The following PTPRT variants were observed in gnomAD, a reference collection of about 807,000 sequenced individuals.
PTPRT encodes receptor-type tyrosine-protein phosphatase T.
PTPRT carries 56 observed loss-of-function variants against 176.8 expected under a neutral mutation model. The observed-to-expected ratio is 0.32, with a 90% confidence interval of 0.26 to 0.40. The LOEUF (loss-of-function observed/expected upper bound fraction) is 0.40, where lower values mean the gene tolerates loss of function less well. PTPRT is among the 10% of genes least tolerant of loss of function. The pLI is 1.00. For synonymous variants in PTPRT, 783 were observed against 739.0 expected (o/e 1.06, Z -0.96); for missense variants, 1,540 against 1,908.2 (o/e 0.81, Z 3.60).
chr20:42,062,170 T>C, the PTPRT span, among the ~76,000 whole-genome samples: 2 of 152,290 alleles, frequency 1.3e-5, no homozygotes, highest in African/African-American at 2.4e-5. Flanking sequence ...AGATTGCTTG[T>C]GTAATAGGCT....
chr20:42,972,393 G>T (rs1982698131), intron 1 of PTPRT, among the ~76,000 whole-genome samples: 1 of 151,694 alleles, frequency 6.6e-6, no homozygotes, highest in South Asian at 2.1e-4. Flanking sequence ...TGGGTGTGGT[G>T]GCTCATGCCT....
chr20:42,980,012 A>G (rs930186800), intron 1 of PTPRT, among the ~76,000 whole-genome samples: 7 of 151,372 alleles, frequency 4.6e-5, no homozygotes, highest in African/African-American at 1.2e-4. Flanking sequence ...TTCCTGAGAG[A>G]AAGCAATTAA....
intron 2 of PTPRT, among the ~76,000 whole-genome samples, chr20:42,849,672 G>A (rs903520915): frequency 6.6e-6 from 1 of 152,112 alleles, no homozygotes; most frequent in Non-Finnish European, 1.5e-5. Flanking sequence ...AAGTCACTTA[G>A]ACTCCATGAA....
chr20:42,113,936 A>C (rs1166610377), intron 22 of PTPRT, among the ~76,000 whole-genome samples: 1 of 151,966 alleles, frequency 6.6e-6, no homozygotes, highest in East Asian at 1.9e-4. Context: ...TTGGAGGGGG[A>C]GCTTCCGGGG....
chr20:42,628,153 G>A (rs1237109557), intron 7 of PTPRT, among the ~76,000 whole-genome samples: 1 of 152,130 alleles, frequency 6.6e-6, no homozygotes, highest in Non-Finnish European at 1.5e-5. Flanking sequence ...AGGCAACTCT[G>A]GGCCTCCACT....
chr20:42,250,033 A>G (rs1200676040), intron 13 of PTPRT, among the ~76,000 whole-genome samples: 1 of 152,172 alleles, frequency 6.6e-6, no homozygotes. Flanking sequence ...TCATCAGCCA[A>G]TACGCTTTCT....
intron 9 of PTPRT, among the ~76,000 whole-genome samples, chr20:42,381,246 G>T (rs1413947141): frequency 6.6e-6 from 1 of 152,140 alleles, no homozygotes; most frequent in Admixed American, 6.5e-5. Context: ...ATTGTAGGGT[G>T]ATACTTTTGA....
chr20:42,736,684 G>A (rs1445654840), intron 6 of PTPRT, among the ~76,000 whole-genome samples: 1 of 151,470 alleles, frequency 6.6e-6, no homozygotes, highest in Admixed American at 6.6e-5. Flanking sequence ...ACTATGGCTG[G>A]AGAGAGACTA....
chr20:42,651,710 G>T (rs1409416864), intron 7 of PTPRT, among the ~76,000 whole-genome samples: 1 of 152,094 alleles, frequency 6.6e-6, no homozygotes, highest in Non-Finnish European at 1.5e-5. Flanking sequence ...TGTGACCATG[G>T]ACAAGTGACT....
intron 9 of PTPRT, among the ~76,000 whole-genome samples, chr20:42,388,052 G>C (rs2058761740): frequency 6.6e-6 from 1 of 152,112 alleles, no homozygotes; most frequent in South Asian, 2.1e-4. Flanking sequence ...GCCTCCCAAA[G>C]TGCTGGGATT....
intron 9 of PTPRT, among the ~76,000 whole-genome samples, chr20:42,398,745 G>C (rs1387370806): frequency 6.6e-6 from 1 of 151,928 alleles, no homozygotes; most frequent in East Asian, 1.9e-4. Context: ...AAAAAACATA[G>C]GGCTGAATCA....
chr20:42,754,375 G>A (rs1330364793), intron 6 of PTPRT, among the ~76,000 whole-genome samples: 3 of 151,686 alleles, frequency 2.0e-5, no homozygotes, highest in Non-Finnish European at 2.9e-5. Flanking sequence ...TAGTAGAGAC[G>A]GGGTTTCACC....
At chr20:42,932,124 A>C (rs983865176) in intron 1 of PTPRT, among the ~76,000 whole-genome samples, 4 of 152,216 alleles carry the variant, frequency 2.6e-5, no homozygotes, top group Non-Finnish European at 5.9e-5. Flanking sequence ...AGGGGTGACT[A>C]TGAGAACACA....
Position 42,320,328 on chromosome 20 carries a change from C to T in PTPRT, c.1866-4332G>A, listed in dbSNP as rs541398811. On this transcript the variant is annotated intron_variant, in intron 11 of 30. Coordinates refer to ENST00000373187, the MANE Select transcript of PTPRT (RefSeq NM_007050.6). ...ATGGTTTAAATGGTGGCTTGAGATTCTCGGACCAGATTCCACTGAGGGGGA... is the reference window on the plus strand; with the variant it reads ...ATGGTTTAAATGGTGGCTTGAGATTTTCGGACCAGATTCCACTGAGGGGGA... Among the ~76,000 whole-genome samples, 11 of 152,272 alleles carry T rather than the reference C, an allele frequency of 7.2e-5. No individual in the cohort carries two copies. In the East Asian group the frequency reaches 2.1e-3, roughly 29 times the overall value.
chr20:42,741,235 G>A (rs1246901936), intron 6 of PTPRT, among the ~76,000 whole-genome samples: 1 of 152,190 alleles, frequency 6.6e-6, no homozygotes, highest in East Asian at 1.9e-4. Context: ...TGGCATCATG[G>A]TTGATAAATT....
chr20:42,712,026 G>C lies in PTPRT; in HGVS notation c.860-33867C>G, dbSNP rs1206586068. ...AACATTGTGTTCAAGTGGAAGCAGG[G>C]ATGTCACAAGAATCCCACTTTAAAA... On this transcript the variant is annotated intron_variant, in intron 6 of 30. Coordinates refer to ENST00000373187, the MANE Select transcript of PTPRT (RefSeq NM_007050.6). Among the ~76,000 whole-genome samples the C allele has an allele frequency of 2.0e-5, 3 of 152,042 alleles. No homozygotes were observed. In the East Asian group the frequency reaches 5.8e-4, roughly 29 times the overall value.
intron 1 of PTPRT, among the ~76,000 whole-genome samples, chr20:43,105,294 T>C (rs1293185506): frequency 1.3e-5 from 2 of 152,296 alleles, no homozygotes; most frequent in Non-Finnish European, 1.5e-5. Context: ...TCTATATATA[T>C]GGACTCCACT....
intron 11 of PTPRT, among the ~76,000 whole-genome samples, chr20:42,324,775 G>GT (rs1412247150): frequency 6.6e-6 from 1 of 152,126 alleles, no homozygotes; most frequent in Non-Finnish European, 1.5e-5. Flanking sequence ...ACAATGATAT[G>GT]TCTTAGTTAG....
intron 12 of PTPRT, among the ~76,000 whole-genome samples, chr20:42,293,981 T>C (rs993015845): frequency 6.6e-6 from 1 of 152,110 alleles, no homozygotes; most frequent in African/African-American, 2.4e-5. Context: ...AAAAATAAAA[T>C]TGTACAAAAT....
Sources: gnomAD v4.1 joint callset for allele counts (sites outside exome capture counted in the v4.1 genomes callset) on GRCh38, gnomAD v4.1.1 for gene constraint, MANE v1.5 for transcripts, NCBI Gene and HGNC (gene_info 2026-07-23, HGNC 2026-07-21) for gene names.